The following GTF2H5 variants were observed in gnomAD, a reference collection of about 807,000 sequenced individuals.
GTF2H5 encodes the protein TFB5 ortholog.
Under a neutral mutation model 7.1 loss-of-function variants are expected in GTF2H5, and 5 were observed. The ratio of observed to expected loss-of-function variants is 0.71; its 90% confidence interval spans 0.37 to 1.49. The LOEUF (loss-of-function observed/expected upper bound fraction) is 1.49, where lower values mean the gene tolerates loss of function less well. Among genes scored for constraint, GTF2H5 ranks in the 40% most tolerant of loss-of-function variants. GTF2H5 has a pLI of 0.03. For missense variants in GTF2H5, 80 were observed against 83.0 expected (o/e 0.96, Z 0.14); for synonymous variants, 30 against 31.7 (o/e 0.95, Z 0.18).
Position 158,169,679 on chromosome 6 carries a change from A to ATATAT in GTF2H5, c.-34-790_-34-786dup, listed in dbSNP as rs1562469114. Among the ~76,000 whole-genome samples the ATATAT allele has an allele frequency of 5.0e-5, 2 of 39,904 alleles. 1 individual carries two copies. Among genetic ancestry groups the ATATAT allele is most frequent in the East Asian group, 2.3e-3 (2 of 872 alleles). The allele number at this position is 39,904 out of a possible 152,430, so 26.2% of individuals were successfully genotyped here. A position where few individuals can be genotyped will look rare whatever the true frequency, so the allele number is the denominator to read the frequency against. ...CATATAATATATTGTATATTATATA[A>ATATAT]TATATAATATATATTATATAATATA... On this transcript the variant is annotated intron_variant, in intron 1 of 2. Transcript: ENST00000607778.
At chr6:158,176,748 A>G (rs1303788503) in intron 2 of GTF2H5, among the ~76,000 whole-genome samples, 2 of 152,202 alleles carry the variant, frequency 1.3e-5, no homozygotes, top group African/African-American at 4.8e-5. Context: ...AGCCCCGAAC[A>G]GAGATTTACC....
chr6:158,188,784 G>A (rs1405256981), intron 2 of GTF2H5, among the ~76,000 whole-genome samples: 1 of 152,084 alleles, frequency 6.6e-6, no homozygotes, highest in East Asian at 1.9e-4. Flanking sequence ...TTGCCATTCA[G>A]TTGCATGTCA....
chr6:158,169,579 A>T lies in GTF2H5; in HGVS notation c.-34-891A>T, dbSNP rs961560755. Among the ~76,000 whole-genome samples, 18 of 91,024 alleles carry T rather than the reference A, an allele frequency of 2.0e-4. 1 individual carries two copies. Among genetic ancestry groups the T allele is most frequent in the South Asian group, 1.3e-3 (4 of 3,154 alleles). The allele number at this position is 91,024 out of a possible 152,430, so 59.7% of individuals were successfully genotyped here. A position where few individuals can be genotyped will look rare whatever the true frequency, so the allele number is the denominator to read the frequency against. On this transcript the variant is annotated intron_variant, in intron 1 of 2. Transcript: ENST00000607778. ...TATTATATATAATATATTGTATATT[A>T]TATATAATATATTGTATATTACATA...
At chr6:158,185,814 A>G (rs1232971097) in intron 2 of GTF2H5, among the ~76,000 whole-genome samples, 1 of 151,914 alleles carries the variant, frequency 6.6e-6, no homozygotes, top group African/African-American at 2.4e-5. Flanking sequence ...TCGACATAAC[A>G]GAACCCTATC....
intron 2 of GTF2H5, among the ~76,000 whole-genome samples, chr6:158,190,220 T>C (rs747927671): frequency 4.6e-5 from 7 of 152,126 alleles, no homozygotes; most frequent in Non-Finnish European, 1.0e-4. Context: ...AACTTGATCT[T>C]ACCTGCAGAT....
At chr6:158,185,999 A>G (rs568140324) in intron 2 of GTF2H5, among the ~76,000 whole-genome samples, 1 of 152,220 alleles carries the variant, frequency 6.6e-6, no homozygotes, top group Non-Finnish European at 1.5e-5. Context: ...TCTCAAAAAA[A>G]ATAAAGAGAG....
At chr6:158,177,301 C>T (rs551251858) in intron 2 of GTF2H5, among the ~76,000 whole-genome samples, 1 of 152,302 alleles carries the variant, frequency 6.6e-6, no homozygotes, top group African/African-American at 2.4e-5. Context: ...ATGGTACTAA[C>T]ATTGCTGTTA....
intron 1 of GTF2H5, 99 bp from the exon 2 acceptor site, chr6:158,170,371 A>G: frequency 2.8e-6 from 2 of 711,238 alleles, no homozygotes; most frequent in South Asian, 1.6e-5. Context: ...ACTGTTAAAT[A>G]TTGACATTTA....
chr6:158,173,547 TG>T (rs1251723250), intron 2 of GTF2H5, among the ~76,000 whole-genome samples: 5 of 152,176 alleles, frequency 3.3e-5, no homozygotes, highest in Non-Finnish European at 5.9e-5. Context: ...ATAATATCCA[TG>T]GATTGTATGA....
intron 2 of GTF2H5, among the ~76,000 whole-genome samples, chr6:158,181,169 T>C (rs1786004979): frequency 6.6e-6 from 1 of 152,186 alleles, no homozygotes; most frequent in Non-Finnish European, 1.5e-5. Flanking sequence ...AGTTTCCATG[T>C]AGTTGTGTGG....
At chr6:158,171,204 A>T (rs1785851569) in intron 2 of GTF2H5, among the ~76,000 whole-genome samples, 2 of 152,242 alleles carry the variant, frequency 1.3e-5, no homozygotes, top group Admixed American at 1.3e-4. Flanking sequence ...CCACAGATAT[A>T]GTCTTACATT....
At chr6:158,170,285 C>G (rs928554494) in intron 1 of GTF2H5, among the ~76,000 whole-genome samples, 185 bp from the exon 2 acceptor site, 1 of 152,114 alleles carries the variant, frequency 6.6e-6, no homozygotes, top group African/African-American at 2.4e-5. Flanking sequence ...ATTAATATTC[C>G]AAGTAGACTC....
intron 2 of GTF2H5, among the ~76,000 whole-genome samples, chr6:158,181,409 C>G (rs559404365): frequency 6.6e-6 from 1 of 152,284 alleles, no homozygotes; most frequent in Admixed American, 6.5e-5. Context: ...GAGCTGAGTT[C>G]AAGTCCTGGA....
chr6:158,178,620 T>A (rs1169343708), intron 2 of GTF2H5, among the ~76,000 whole-genome samples: 2 of 152,190 alleles, frequency 1.3e-5, no homozygotes, highest in African/African-American at 4.8e-5. Flanking sequence ...AGCATTTTTT[T>A]ATATATCTGT....
chr6:158,176,477 G>A (rs990257728), intron 2 of GTF2H5, among the ~76,000 whole-genome samples: 9 of 152,024 alleles, frequency 5.9e-5, no homozygotes, highest in Admixed American at 2.0e-4. Flanking sequence ...CACCCACCTC[G>A]GCCTCCCAAA....
chr6:158,174,697 C>G (rs1785904943), intron 2 of GTF2H5, among the ~76,000 whole-genome samples: 1 of 152,146 alleles, frequency 6.6e-6, no homozygotes, highest in Admixed American at 6.5e-5. Flanking sequence ...GAGCAGACCT[C>G]TGGTATAACA....
rs1320848898 is a variant in GTF2H5 at position 158,196,170 on chromosome 6, T to C, written c.*4013T>C. On this transcript the variant is annotated 3_prime_UTR_variant, in exon 3 of 3. Coordinates refer to ENST00000607778, the MANE Select transcript of GTF2H5 (RefSeq NM_207118.3). ...GGTGGTGGACGCCTGTAGTCCCAGC[T>C]ACTCGGGAGGCTGAGGCAGGAGAAT... The C allele has an allele frequency of 6.6e-6, 1 of 152,182 alleles. No homozygotes were observed. The highest frequency in any genetic ancestry group is 1.5e-5 in the Non-Finnish European group (1 of 68,078). 9.4% of individuals were successfully genotyped at this position (152,182 alleles called of 1,614,324 possible).
At chr6:158,169,738 T>C (rs1583625996) in intron 1 of GTF2H5, among the ~76,000 whole-genome samples, 1 of 98,588 alleles carries the variant, frequency 1.0e-5, no homozygotes. Context: ...ATATTGTATA[T>C]TATATATTAT....
intron 2 of GTF2H5, among the ~76,000 whole-genome samples, chr6:158,181,006 T>C (rs988449043): frequency 6.6e-6 from 1 of 152,206 alleles, no homozygotes; most frequent in Non-Finnish European, 1.5e-5. Flanking sequence ...CTTGTGGGCA[T>C]TTAGTGCTAT....
Sources: gnomAD v4.1 joint callset for allele counts (sites outside exome capture counted in the v4.1 genomes callset) on GRCh38, gnomAD v4.1.1 for gene constraint, MANE v1.5 for transcripts, NCBI Gene and HGNC (gene_info 2026-07-23, HGNC 2026-07-21) for gene names.